The following CNTNAP5 variants were observed in gnomAD, a reference collection of about 807,000 sequenced individuals.
CNTNAP5 encodes contactin-associated protein-like 5.
Under a neutral mutation model 150.2 loss-of-function variants are expected in CNTNAP5, and 72 were observed. The ratio of observed to expected loss-of-function variants is 0.48; its 90% CI spans 0.40 to 0.58. The LOEUF is 0.58. Ranked by LOEUF, CNTNAP5 falls within the 20% of genes least tolerant of loss-of-function variation. The pLI is 0.00. For missense variants in CNTNAP5, 1,636 were observed against 1,626.2 expected (o/e 1.01, Z -0.10); for synonymous variants, 672 against 619.8 (o/e 1.08, Z -1.25).
At chr2:124,272,892 A>C (rs939153454) in intron 3 of CNTNAP5, among the ~76,000 whole-genome samples, 16 of 152,342 alleles carry the variant, frequency 1.1e-4, no homozygotes, top group African/African-American at 3.8e-4. Flanking sequence ...CAATGCATGA[A>C]TCTTCTAAAA....
intron 1 of CNTNAP5, among the ~76,000 whole-genome samples, chr2:124,040,473 G>A (rs1469912397): frequency 6.6e-6 from 1 of 152,046 alleles, no homozygotes; most frequent in East Asian, 1.9e-4. Context: ...TGGTTTTGAG[G>A]TATTGATTCG....
intron 3 of CNTNAP5, among the ~76,000 whole-genome samples, chr2:124,258,623 G>T (rs1307783072): frequency 6.6e-6 from 1 of 152,146 alleles, no homozygotes; most frequent in South Asian, 2.1e-4. Context: ...GTAAGGGAAT[G>T]AAGTGGTTCT....
chr2:124,419,733 TC>T (rs1692033819), intron 4 of CNTNAP5, among the ~76,000 whole-genome samples: 1 of 152,124 alleles, frequency 6.6e-6, no homozygotes, highest in Non-Finnish European at 1.5e-5. Flanking sequence ...CCTATAATCT[TC>T]AATCACTAGT....
intron 12 of CNTNAP5, among the ~76,000 whole-genome samples, chr2:124,641,656 AC>A (rs1253186614): frequency 1.3e-5 from 2 of 152,320 alleles, no homozygotes; most frequent in East Asian, 3.9e-4. Context: ...GACCCTGGGG[AC>A]CTTAATATAG....
chr2:124,162,746 T>G (rs948816778), intron 1 of CNTNAP5, among the ~76,000 whole-genome samples: 2 of 152,188 alleles, frequency 1.3e-5, no homozygotes, highest in African/African-American at 4.8e-5. Context: ...AAAAGTAAGC[T>G]TGGAATTATT....
intron 7 of CNTNAP5, among the ~76,000 whole-genome samples, chr2:124,485,241 G>T (rs1444189910): frequency 1.3e-5 from 2 of 152,168 alleles, no homozygotes; most frequent in Non-Finnish European, 2.9e-5. Flanking sequence ...GCTTGAGATA[G>T]GGTGGACTGT....
intron 1 of CNTNAP5, among the ~76,000 whole-genome samples, chr2:124,043,116 C>T (rs13426939): frequency 0.16 from 24,293 of 152,036 alleles, 2,244 homozygotes; most frequent in South Asian, 0.27. Flanking sequence ...TGGATGTCTG[C>T]CTTTTGAAAA....
chr2:124,553,250 TC>T (rs1291123506), intron 10 of CNTNAP5, among the ~76,000 whole-genome samples: 3 of 152,148 alleles, frequency 2.0e-5, no homozygotes, highest in Non-Finnish European at 4.4e-5. Context: ...ACACCTGCAA[TC>T]CCAGTACTTT....
At chr2:124,149,909 G>A (rs1684363551) in intron 1 of CNTNAP5, among the ~76,000 whole-genome samples, 2 of 152,190 alleles carry the variant, frequency 1.3e-5, no homozygotes, top group South Asian at 2.1e-4. Flanking sequence ...TCCTGATGGA[G>A]ATGAGGAGAT....
intron 19 of CNTNAP5, among the ~76,000 whole-genome samples, chr2:124,811,628 C>T (rs1423206115): frequency 1.4e-5 from 2 of 146,576 alleles, no homozygotes; most frequent in African/African-American, 5.1e-5. Flanking sequence ...AATGAATGAA[C>T]AATGCATGAT....
intron 1 of CNTNAP5, among the ~76,000 whole-genome samples, chr2:124,164,193 A>G (rs1402149061): frequency 6.6e-6 from 1 of 152,236 alleles, no homozygotes; most frequent in African/African-American, 2.4e-5. Context: ...CAACGCTGCC[A>G]TGAACACGCA....
chr2:124,170,737 T>C (rs1411788649), intron 1 of CNTNAP5, among the ~76,000 whole-genome samples: 1 of 151,808 alleles, frequency 6.6e-6, no homozygotes, highest in African/African-American at 2.4e-5. Context: ...GAAAGGTAAC[T>C]GTGGGTAGTA....
At chr2:124,560,094 A>C (rs1695853987) in intron 10 of CNTNAP5, among the ~76,000 whole-genome samples, 1 of 152,208 alleles carries the variant, frequency 6.6e-6, no homozygotes, top group Admixed American at 6.5e-5. Flanking sequence ...ATTGTAAAAC[A>C]AGGTCTGTGT....
At position 124,820,387 on chromosome 2, in the gene CNTNAP5, A is replaced by G. The variant is rs573024192; in HGVS notation, c.3217+22067A>G. Among the ~76,000 whole-genome samples the G allele has an allele frequency of 4.6e-5, 7 of 152,184 alleles. No homozygotes were observed. In the South Asian group the frequency reaches 1.2e-3, roughly 27 times the overall value. ...ATAATGATATCTAAACCACAATTTG[A>G]TCTGTGACCCAGAAGAAGGGACCTG... On this transcript the variant is annotated intron_variant, in intron 19 of 23. Coordinates refer to ENST00000682447, the MANE Select transcript of CNTNAP5 (RefSeq NM_001367498.1).
chr2:124,898,848 C>T (rs933249224), intron 21 of CNTNAP5, among the ~76,000 whole-genome samples: 2 of 151,356 alleles, frequency 1.3e-5, no homozygotes, highest in Non-Finnish European at 2.9e-5. Flanking sequence ...TGCTAACTAC[C>T]ACTCCCCCCG....
intron 1 of CNTNAP5, among the ~76,000 whole-genome samples, chr2:124,035,579 T>C (rs1681192251): frequency 6.6e-6 from 1 of 152,160 alleles, no homozygotes; most frequent in African/African-American, 2.4e-5. Flanking sequence ...ACCCAGGGGA[T>C]TCTATGAGCT....
chr2:124,497,743 T>A (rs1386840663), intron 7 of CNTNAP5, among the ~76,000 whole-genome samples: 2 of 152,202 alleles, frequency 1.3e-5, no homozygotes, highest in Non-Finnish European at 2.9e-5. Flanking sequence ...GGTTTAGGAA[T>A]GTTTGACTAA....
chr2:124,373,373 G>A (rs1477742777), intron 3 of CNTNAP5, among the ~76,000 whole-genome samples: 3 of 152,020 alleles, frequency 2.0e-5, no homozygotes, highest in Non-Finnish European at 2.9e-5. Flanking sequence ...TTCCCTAAAG[G>A]GGAATTATAA....
At chr2:124,658,621 G>A (rs980683634) in intron 13 of CNTNAP5, among the ~76,000 whole-genome samples, 5 of 151,890 alleles carry the variant, frequency 3.3e-5, no homozygotes, top group Non-Finnish European at 7.4e-5. Context: ...TTTCCTTACC[G>A]TGGCATAGAT....
Sources: allele counts gnomAD v4.1 joint callset (sites outside exome capture counted in the v4.1 genomes callset), GRCh38; gene constraint gnomAD v4.1.1; transcripts MANE v1.5; gene names NCBI Gene and HGNC (gene_info 2026-07-23, HGNC 2026-07-21).